The following ROBO1 variants were observed in gnomAD, a reference collection of about 807,000 sequenced individuals.
ROBO1 encodes roundabout homolog 1.
In ROBO1, 149 loss-of-function variants were observed where a neutral mutation model predicts 195.9. The ratio of observed to expected loss-of-function variants is 0.76; its 90% CI spans 0.67 to 0.87. ROBO1 has a LOEUF of 0.87. Among genes scored for constraint, ROBO1 ranks in the 40% least tolerant of loss-of-function variants. The probability of loss-of-function intolerance (pLI) is 0.00; values close to 1 mark genes in which losing one functional copy is unlikely to be tolerated. For missense variants in ROBO1, 1,933 were observed against 2,068.3 expected (o/e 0.93, Z 1.27); for synonymous variants, 816 against 733.2 (o/e 1.11, Z -1.82).
At chr3:79,081,487 C>A (rs548014394) in intron 3 of ROBO1, among the ~76,000 whole-genome samples, 58 of 152,186 alleles carry the variant, frequency 3.8e-4, no homozygotes, top group Non-Finnish European at 7.8e-4. Flanking sequence ...TTTGTCTGTT[C>A]GGGGCTTCTG....
chr3:79,491,150 C>T (rs1381124669), intron 2 of ROBO1, among the ~76,000 whole-genome samples: 1 of 151,854 alleles, frequency 6.6e-6, no homozygotes, highest in East Asian at 1.9e-4. Flanking sequence ...GGCTAATCTA[C>T]CTGGTCCTAG....
intron 2 of ROBO1, among the ~76,000 whole-genome samples, chr3:79,386,591 T>A (rs1330052131): frequency 6.6e-6 from 1 of 152,088 alleles, no homozygotes. Flanking sequence ...TGACAGGGCA[T>A]TCAAGCAGAG....
chr3:79,459,688 T>C (rs945487885), intron 2 of ROBO1, among the ~76,000 whole-genome samples: 1 of 152,130 alleles, frequency 6.6e-6, no homozygotes, highest in Non-Finnish European at 1.5e-5. Flanking sequence ...CAGATTTTCA[T>C]AATAAAACCA....
At chr3:79,106,926 C>A (rs2079792164) in intron 3 of ROBO1, among the ~76,000 whole-genome samples, 1 of 151,650 alleles carries the variant, frequency 6.6e-6, no homozygotes, top group African/African-American at 2.4e-5. Context: ...TGTATAGAAT[C>A]TATCTCCGCT....
At chr3:78,920,820 A>AT (rs1351694223) in intron 4 of ROBO1, among the ~76,000 whole-genome samples, 2 of 151,348 alleles carry the variant, frequency 1.3e-5, no homozygotes, top group Admixed American at 6.6e-5. Flanking sequence ...AGCTGATTTT[A>AT]TTTTTTTACT....
intron 3 of ROBO1, among the ~76,000 whole-genome samples, chr3:78,996,841 G>C (rs1401137214): frequency 6.6e-6 from 1 of 152,104 alleles, no homozygotes; most frequent in Non-Finnish European, 1.5e-5. Context: ...ATACACATAA[G>C]AATACATGTT....
Position 79,150,426 on chromosome 3 carries a change from G to A in ROBO1, c.89-24887C>T, listed in dbSNP as rs2080744164. ...TGAATTTTGCAGGCAAGCTTATTATGTTGGGTTGTGTTTCAGCTACATGTA... is the reference window on the plus strand; with the variant it reads ...TGAATTTTGCAGGCAAGCTTATTATATTGGGTTGTGTTTCAGCTACATGTA... On this transcript the variant is annotated intron_variant, in intron 2 of 30. Coordinates refer to ENST00000464233, the MANE Select transcript of ROBO1 (RefSeq NM_002941.4). Among the ~76,000 whole-genome samples, 4 of 151,586 alleles carry A rather than the reference G, an allele frequency of 2.6e-5. No homozygotes were observed. In the South Asian group the frequency reaches 6.2e-4, roughly 24 times the overall value.
At chr3:79,173,095 A>G (rs931015280) in intron 2 of ROBO1, among the ~76,000 whole-genome samples, 13 of 152,144 alleles carry the variant, frequency 8.5e-5, no homozygotes, top group African/African-American at 2.2e-4. Flanking sequence ...CATGGGTTCA[A>G]TGGTCACAAA....
intron 2 of ROBO1, among the ~76,000 whole-genome samples, chr3:79,175,352 C>A (rs535502482): frequency 9.9e-5 from 15 of 152,130 alleles, no homozygotes; most frequent in African/African-American, 3.4e-4. Context: ...TACTGTGTTT[C>A]CCAGGCTGGT....
chr3:79,430,446 C>A (rs2038631042), intron 2 of ROBO1, among the ~76,000 whole-genome samples: 1 of 152,026 alleles, frequency 6.6e-6, no homozygotes, highest in Non-Finnish European at 1.5e-5. Flanking sequence ...AAATTGATTT[C>A]ATTTTTGAGA....
At position 79,743,332 on chromosome 3, in the gene ROBO1, T is replaced by C. The variant is rs187028368; in HGVS notation, c.-51+24420A>G. On this transcript the variant is annotated intron_variant, in intron 1 of 30. Coordinates refer to ENST00000464233, the MANE Select transcript of ROBO1 (RefSeq NM_002941.4). Reference sequence around the variant, plus strand: ...TGGTATTTGTGTATATAAACATATCTAAACATAGAAAAGGTAGAGTAAAAA... The same window carrying C: ...TGGTATTTGTGTATATAAACATATCCAAACATAGAAAAGGTAGAGTAAAAA... Among the ~76,000 whole-genome samples, 861 of 152,316 alleles carry C rather than the reference T, an allele frequency of 5.7e-3. 7 individuals are homozygous for C. Among genetic ancestry groups the C allele is most frequent in the African/African-American group, 0.018 (744 of 41,576 alleles).
chr3:79,519,098 C>A (rs930061686), intron 2 of ROBO1, among the ~76,000 whole-genome samples: 1 of 152,066 alleles, frequency 6.6e-6, no homozygotes, highest in African/African-American at 2.4e-5. Flanking sequence ...CGTTCCAGAA[C>A]CCAGGCTGAA....
rs114297133 is a variant in ROBO1, at chr3:79,700,529, G to C, written c.-51+67223C>G. 3.0e-3 allele frequency among the ~76,000 whole-genome samples: 457 copies of C among 151,542 alleles called. 1 individual carries two copies. Among genetic ancestry groups the C allele is most frequent in the Non-Finnish European group, 3.2e-3 (218 of 67,740 alleles). ...AGTGTTCACTTTATTCTTCAACCTC[G>C]CCAGCATCTGTTGTTGTTTGGCTTT... On this transcript the variant is annotated intron_variant, in intron 1 of 30. Transcript: ENST00000464233.
chr3:79,147,833 G>A (rs1260409357), intron 2 of ROBO1, among the ~76,000 whole-genome samples: 1 of 151,892 alleles, frequency 6.6e-6, no homozygotes, highest in East Asian at 1.9e-4. Context: ...AATACATGTT[G>A]ATTTCAATAG....
intron 2 of ROBO1, among the ~76,000 whole-genome samples, chr3:79,414,546 T>C (rs1481143460): frequency 6.6e-6 from 1 of 152,118 alleles, no homozygotes; most frequent in African/African-American, 2.4e-5. Context: ...TGGTAATTAG[T>C]ATTAGAAGAT....
intron 4 of ROBO1, among the ~76,000 whole-genome samples, chr3:78,884,666 AG>A: frequency 7.5e-6 from 1 of 133,000 alleles, no homozygotes; most frequent in Non-Finnish European, 1.6e-5. Flanking sequence ...GAAGGAAGGA[AG>A]GAAGGAAGGA....
At chr3:79,740,424 G>C (rs937469841) in intron 1 of ROBO1, among the ~76,000 whole-genome samples, 16 of 151,834 alleles carry the variant, frequency 1.1e-4, no homozygotes, top group African/African-American at 3.9e-4. Flanking sequence ...CCTTCTCACA[G>C]CTGCTATGAA....
rs771411304 is a variant in ROBO1 at position 78,835,303 on chromosome 3, T to C, written c.500-88403A>G. The stretch of plus-strand genomic sequence containing the variant: ...GAACAAAGGGCAATCAGTAGAAAAG[T>C]AAATTATCCCAAGAAAACACCAAGA... On this transcript the variant is annotated intron_variant, in intron 4 of 30. Coordinates refer to ENST00000464233, the MANE Select transcript of ROBO1 (RefSeq NM_002941.4). 4.6e-5 allele frequency among the ~76,000 whole-genome samples: 7 copies of C among 152,276 alleles called. No individual in the cohort carries two copies. In the East Asian group the frequency reaches 1.4e-3, roughly 29 times the overall value.
chr3:78,778,454 C>G (rs1454679180), intron 4 of ROBO1, among the ~76,000 whole-genome samples: 1 of 152,142 alleles, frequency 6.6e-6, no homozygotes, highest in Non-Finnish European at 1.5e-5. Context: ...ACAAAAATCA[C>G]AAGCATTCCT....
Sources: gnomAD v4.1 joint callset for allele counts (sites outside exome capture counted in the v4.1 genomes callset) on GRCh38, gnomAD v4.1.1 for gene constraint, MANE v1.5 for transcripts, NCBI Gene and HGNC (gene_info 2026-07-23, HGNC 2026-07-21) for gene names.